The following DLGAP3 variants were observed in gnomAD, a reference collection of about 807,000 sequenced individuals.
The protein encoded by DLGAP3 is DLG associated protein 3, also known as disks large-associated protein 3.
DLGAP3 carries 17 observed loss-of-function variants against 81.2 expected under a neutral mutation model. That is an observed-to-expected ratio of 0.21 (90% CI 0.14 to 0.31). DLGAP3 has a LOEUF of 0.31. Among genes scored for constraint, DLGAP3 ranks in the 10% least tolerant of loss-of-function variants. The pLI is 1.00. For missense variants in DLGAP3, 1,124 were observed against 1,388.0 expected, an observed-to-expected ratio of 0.81 and a Z score of 3.02; for synonymous variants, 577 against 587.4, an observed-to-expected ratio of 0.98 and a Z score of 0.26.
chr1:34,887,941 G>A (rs1395916520), intron 5 of DLGAP3, among the ~76,000 whole-genome samples: 1 of 152,176 alleles, frequency 6.6e-6, no homozygotes, highest in East Asian at 1.9e-4. Context: ...AGGTCTCAGG[G>A]CCTCCCTGGT....
chr1:34,901,647 A>C (rs1639462040), intron 3 of DLGAP3, among the ~76,000 whole-genome samples: 1 of 152,238 alleles, frequency 6.6e-6, no homozygotes, highest in African/African-American at 2.4e-5. Context: ...AATAAATGGT[A>C]ACAATTATTA....
rs190342948 is a variant in DLGAP3, at chr1:34,883,366, C to T, written c.2000+1612G>A. Among the ~76,000 whole-genome samples, 343 of 152,342 alleles carry T rather than the reference C, an allele frequency of 2.3e-3. 1 individual carries two copies. Among genetic ancestry groups the T allele is most frequent in the Non-Finnish European group, 4.5e-3 (305 of 68,030 alleles). ...AGTCTCAGCTAGAAGGCCTGCAGCA[C>T]TCTTCCCAGGATTCAAGGGTTATTA... On this transcript the variant is annotated intron_variant, in intron 8 of 11. Coordinates refer to ENST00000373347, the MANE Select transcript of DLGAP3 (RefSeq NM_001080418.3).
rs184484867 is a variant in DLGAP3 at position 34,894,723 on chromosome 1, A to G, written c.1386+4946T>C. 1.4e-3 allele frequency among the ~76,000 whole-genome samples: 207 copies of G among 152,368 alleles called. 1 individual carries two copies. Among genetic ancestry groups the G allele is most frequent in the African/African-American group, 4.8e-3 (201 of 41,588 alleles). On this transcript the variant is annotated intron_variant, in intron 5 of 11. Transcript: ENST00000373347. ...ACAGATATTCACTGAAAAAATTACT[A>G]AAGAATATACTTTAGGAGGAAACAA...
intron 1 of DLGAP3, among the ~76,000 whole-genome samples, chr1:34,913,047 C>A (rs1434008087): frequency 6.6e-6 from 1 of 152,172 alleles, no homozygotes; most frequent in African/African-American, 2.4e-5. Context: ...TTGCTGAAGA[C>A]TTGGCATGCC....
chr1:34,884,268 A>G (rs1241094617), intron 8 of DLGAP3, among the ~76,000 whole-genome samples: 1 of 151,900 alleles, frequency 6.6e-6, no homozygotes, highest in Non-Finnish European at 1.5e-5. Flanking sequence ...AAGCTCAGAT[A>G]CCATGAAACC....
chr1:34,910,358 C>T (rs370962025), intron 1 of DLGAP3, among the ~76,000 whole-genome samples: 2 of 152,336 alleles, frequency 1.3e-5, no homozygotes, highest in African/African-American at 4.8e-5. Context: ...TCCCTGCTTC[C>T]GTTCTTACCC....
intron 8 of DLGAP3, among the ~76,000 whole-genome samples, chr1:34,878,584 T>C (rs1224153692): frequency 1.3e-5 from 2 of 151,768 alleles, no homozygotes; most frequent in East Asian, 3.9e-4. Context: ...GAAGTAAAAA[T>C]CAACAAAGTT....
intron 1 of DLGAP3, among the ~76,000 whole-genome samples, chr1:34,910,241 C>T (rs1461637955): frequency 6.6e-6 from 1 of 152,206 alleles, no homozygotes; most frequent in Non-Finnish European, 1.5e-5. Context: ...CCACTGTTGG[C>T]CAGATTTCCT....
At chr1:34,890,163 A>G (rs1639291359) in intron 5 of DLGAP3, among the ~76,000 whole-genome samples, 3 of 152,216 alleles carry the variant, frequency 2.0e-5, no homozygotes, top group Admixed American at 1.3e-4. Context: ...TGGTCCTCAC[A>G]CAGCCACGGT....
chr1:34,902,691 A>G lies in DLGAP3; in HGVS notation c.1107+1586T>C, dbSNP rs1639479181. On this transcript the variant is annotated intron_variant, in intron 3 of 11. Transcript: ENST00000373347. This position sits in a 1 kb window ranked among gnomAD's most constrained non-coding sequence, Gnocchi z 4.4. ...CCATTCTCTACAGAGAGCAGCAGGCAGGTGGAGAGAGGCAGGCCAGCAGAT... is the reference window on the plus strand; with the variant it reads ...CCATTCTCTACAGAGAGCAGCAGGCGGGTGGAGAGAGGCAGGCCAGCAGAT... 6.6e-6 allele frequency among the ~76,000 whole-genome samples: 1 copy of G among 152,134 alleles called. No homozygotes were observed. The highest frequency in any genetic ancestry group is 1.9e-4 in the East Asian group (1 of 5,188).
chr1:34,865,988 C>A lies in DLGAP3; in HGVS notation c.*95G>T. On this transcript the variant is annotated 3_prime_UTR_variant, in exon 12 of 12. Coordinates refer to ENST00000373347, the MANE Select transcript of DLGAP3 (RefSeq NM_001080418.3). ...GCGTCCGGTGCCGGTGGGGCGGGCG[C>A]ACGGGGCGGCCCGCGTTCACAGTGA... 1.8e-6 allele frequency: 2 copies of A among 1,117,466 alleles called. No homozygotes were observed. Among genetic ancestry groups the A allele is most frequent in the East Asian group, 2.7e-5 (1 of 37,454 alleles). The allele number at this position is 1,117,466 out of a possible 1,614,324, so 69.2% of individuals were successfully genotyped here.
intron 1 of DLGAP3, among the ~76,000 whole-genome samples, chr1:34,919,188 G>C (rs1375529420): frequency 6.6e-6 from 1 of 152,146 alleles, no homozygotes; most frequent in Non-Finnish European, 1.5e-5. Flanking sequence ...AGCCTGGAAG[G>C]GGCTCTATCA....
intron 5 of DLGAP3, among the ~76,000 whole-genome samples, chr1:34,886,882 AAT>A (rs1639240435): frequency 6.7e-6 from 1 of 149,558 alleles, no homozygotes; most frequent in South Asian, 2.1e-4. Context: ...GATGGAAACT[AAT>A]GCGTAAGTGA....
At chr1:34,869,821 C>T (rs921930317) in intron 8 of DLGAP3, among the ~76,000 whole-genome samples, 2 of 152,204 alleles carry the variant, frequency 1.3e-5, no homozygotes, top group African/African-American at 4.8e-5. Flanking sequence ...TGCTAGTTTA[C>T]ACCAGCTGCA....
rs968334203 is a variant in DLGAP3 at position 34,868,662 on chromosome 1, C to G, written c.2428G>C (p.Glu810Gln). 2 of 1,612,916 alleles carry G rather than the reference C, an allele frequency of 1.2e-6. No homozygotes were observed. The highest frequency in any genetic ancestry group is 1.1e-5 in the South Asian group (1 of 91,086). The change falls in exon 9 of 12, where the codon GAG becomes CAG. Residue 810 changes from glutamate (E) to glutamine (Q), a missense_variant. By Grantham distance (29) the Glu-to-Gln change is conservative. Coordinates refer to ENST00000373347, the MANE Select transcript of DLGAP3 (RefSeq NM_001080418.3). This position sits in a 1 kb window ranked among gnomAD's most constrained non-coding sequence, Gnocchi z 7.5. The part of the protein sequence containing the change: ...KMLRAEVEKL[E>Q]HWCQQMEREA... ...CGCTCCATCTGCTGGCACCAGTGCT[C>G]CAGCTTCTCCACCTCTGCCCGCAGC...
chr1:34,899,523 G>A (rs1356075994), intron 5 of DLGAP3, 146 bp downstream of exon 5: 1 of 774,268 alleles, frequency 1.3e-6, no homozygotes, highest in Non-Finnish European at 2.3e-6. Flanking sequence ...TCAGCTCCAG[G>A]AGTCCTAAGG....
intron 1 of DLGAP3, among the ~76,000 whole-genome samples, chr1:34,920,211 C>A (rs1639776249): frequency 6.6e-6 from 1 of 152,184 alleles, no homozygotes; most frequent in Admixed American, 6.5e-5. Context: ...CCTCCTAAGA[C>A]CGTTCCCTTT....
rs146229611 is a variant in DLGAP3 at position 34,904,560 on chromosome 1, G to A, written c.824C>T (p.Ala275Val). The change falls in exon 3 of 12, where the codon GCG becomes GTG. Residue 275 changes from alanine to valine, a missense_variant. Physicochemically the swap from Ala to Val is moderately conservative, Grantham distance 64. This residue lies in a region of DLGAP3 where 357 missense variants were observed against 408.8 expected (regional missense o/e 0.87). Transcript: ENST00000373347. This position sits in a 1 kb window ranked among gnomAD's most constrained non-coding sequence, Gnocchi z 8.1. ...AGGCTCCCCAGGGGGCCTCCCACCC[G>A]CCAGGAAGCCGCTATCACTGTCCAA... ...DNLDSDSGFL[A>V]GGRPPGEPGG... 42 of 1,613,952 alleles carry A rather than the reference G, an allele frequency of 2.6e-5. No individual in the cohort carries two copies. Among genetic ancestry groups the A allele is most frequent in the Admixed American group, 1.2e-4 (7 of 60,004 alleles).
At chr1:34,889,276 C>T (rs1299432573) in intron 5 of DLGAP3, among the ~76,000 whole-genome samples, 3 of 152,190 alleles carry the variant, frequency 2.0e-5, no homozygotes, top group East Asian at 3.8e-4. Context: ...GTCATACACC[C>T]GCCAGCTCAG....
Sources: gnomAD v4.1 joint callset for allele counts (sites outside exome capture counted in the v4.1 genomes callset) on GRCh38, gnomAD v4.1.1 for gene constraint, gnomAD v4.1.1 regional missense constraint, Gnocchi (gnomAD v3.1) non-coding constraint, MANE v1.5 for transcripts, NCBI Gene and HGNC (gene_info 2026-07-23, HGNC 2026-07-21) for gene names.